Variants in ELP5 observed in about 807,000 individuals in gnomAD.
ELP5 encodes elongator acetyltransferase complex subunit 5.
Under a neutral mutation model 33.4 loss-of-function variants are expected in ELP5, and 34 were observed. That is an observed-to-expected ratio of 1.02 (90% CI 0.78 to 1.36). The LOEUF (loss-of-function observed/expected upper bound fraction) is 1.36, where lower values mean the gene tolerates loss of function less well. ELP5 is among the 40% of genes most tolerant of loss of function. ELP5 has a pLI of 0.00. For synonymous variants in ELP5, 161 were observed against 146.4 expected (o/e 1.10, Z -0.72); for missense variants, 373 against 371.7 (o/e 1.00, Z -0.03).
upstream of ELP5, chr17:7,251,930 A>T: frequency 6.3e-6 from 1 of 159,404 alleles, no homozygotes; most frequent in Non-Finnish European, 1.4e-5. Context: ...CAGCCTCTGC[A>T]GCTGGGTTTC....
chr17:7,259,870 C>T lies in ELP5; in HGVS notation c.*185C>T. The T allele has an allele frequency of 9.7e-7, 1 of 1,034,316 alleles. No individual in the cohort carries two copies. Among genetic ancestry groups the T allele is most frequent in the African/African-American group, 1.6e-5 (1 of 62,084 alleles). The allele number at this position is 1,034,316 out of a possible 1,614,324, so 64.1% of individuals were successfully genotyped here. A position where few individuals can be genotyped will look rare whatever the true frequency, so the allele number is the denominator to read the frequency against. Reference sequence around the variant, plus strand: ...ATCAGGACAGAAGGTAGGATGAAGACATGGGGTAATGTGAGAGAGTAGAAC... The same window carrying T: ...ATCAGGACAGAAGGTAGGATGAAGATATGGGGTAATGTGAGAGAGTAGAAC... On this transcript the variant is annotated 3_prime_UTR_variant, in exon 8 of 8. Transcript: ENST00000396628.
chr17:7,258,927 G>T lies in ELP5; in HGVS notation c.788+1G>T. 1 of 1,614,174 alleles carries T rather than the reference G, an allele frequency of 6.2e-7. No individual in the cohort carries two copies. Among genetic ancestry groups the T allele is most frequent in the South Asian group, 1.1e-5 (1 of 91,080 alleles). On this transcript the variant is annotated splice_donor_variant, in intron 7 of 7. Transcript: ENST00000396628. LOFTEE classifies it high-confidence loss of function. ...TGCCCTTCCAGTTCAGTTCTGAAAA[G>T]TAAGGTTGGGACCTGGGTACGTGGA... is the stretch of plus-strand genomic sequence containing the variant.
Position 7,258,893 on chromosome 17 carries a change from G to A in ELP5, c.755G>A (p.Ser252Asn). Residue 252 changes from serine (S) to asparagine (N), a missense_variant, in exon 7 of 8, where the codon AGC becomes AAC. Physicochemically the swap from Ser to Asn is conservative, Grantham distance 46 (BLOSUM62 1). Transcript: ENST00000396628. The part of the protein sequence containing the change: ...LSKKEREARD[S>N]LILPFQFSSE... ...AAGAAAGAGAGAGAAGCCAGAGATA[G>A]CCTGATCCTGCCCTTCCAGTTCAGT... 1 of 1,614,176 alleles carries A rather than the reference G, an allele frequency of 6.2e-7. No individual in the cohort carries two copies. The highest frequency in any genetic ancestry group is 8.5e-7 in the Non-Finnish European group (1 of 1,180,034).
Position 7,259,723 on chromosome 17 carries a change from C to A in ELP5, c.*38C>A, listed in dbSNP as rs745445881. The stretch of plus-strand genomic sequence containing the variant: ...GATTAGATTGTAATTGGAGGGGGCG[C>A]GGGAAGACTTTGGGCCCAGAACCAT... On this transcript the variant is annotated 3_prime_UTR_variant, in exon 8 of 8. Transcript: ENST00000396628. 6 of 1,613,126 alleles carry A rather than the reference C, an allele frequency of 3.7e-6. No individual in the cohort carries two copies. Among genetic ancestry groups the A allele is most frequent in the Admixed American group, 3.3e-5 (2 of 59,910 alleles).
rs2072031965 is a variant in ELP5 at position 7,254,655 on chromosome 17, G to A, written c.261G>A (p.Pro87=). 4.3e-6 allele frequency: 7 copies of A among 1,613,966 alleles called. No homozygotes were observed. The highest frequency in any genetic ancestry group is 4.5e-5 in the East Asian group (2 of 44,898). Residue 87 remains proline, a synonymous_variant, in exon 4 of 8, where the codon CCG becomes CCA. Transcript: ENST00000396628. ...CTGAGGAGGCCTTTCCTGGGGGGCC[G>A]CTGGGAGCCTTGAGAGCCATGTGCA... The part of the protein sequence containing the change: ...SKTEEAFPGG[P]LGALRAMCKR...
At chr17:7,256,270 G>A (rs1204557051) in intron 4 of ELP5, among the ~76,000 whole-genome samples, 8 of 152,164 alleles carry the variant, frequency 5.3e-5, no homozygotes, top group African/African-American at 1.9e-4. Flanking sequence ...TGTTGAGCCC[G>A]TAGCAGGGGT....
At chr17:7,256,538 A>G (rs1271868770) in intron 4 of ELP5, among the ~76,000 whole-genome samples, 1 of 152,218 alleles carries the variant, frequency 6.6e-6, no homozygotes, top group Non-Finnish European at 1.5e-5. Context: ...CAGAAACTAC[A>G]AGTACTTCCG....
In ELP5 at chr17:7,258,900, C is replaced by T. The variant is rs758677481; in HGVS notation, c.762C>T (p.Ile254=). 3.1e-6 allele frequency: 5 copies of T among 1,614,014 alleles called. No homozygotes were observed. The East Asian group carries it at 1.1e-4, about 36-fold the overall frequency. Residue 254 remains isoleucine, a synonymous_variant, in exon 7 of 8, where the codon ATC becomes ATT. Transcript: ENST00000396628. Reference sequence around the variant, plus strand: ...AGAGAGAAGCCAGAGATAGCCTGATCCTGCCCTTCCAGTTCAGTTCTGAAA... The same window carrying T: ...AGAGAGAAGCCAGAGATAGCCTGATTCTGCCCTTCCAGTTCAGTTCTGAAA... The part of the protein sequence containing the change: ...KKEREARDSL[I]LPFQFSSEKQ...
chr17:7,259,754 T>C lies in ELP5; in HGVS notation c.*69T>C. On this transcript the variant is annotated 3_prime_UTR_variant, in exon 8 of 8. Coordinates refer to ENST00000396628, the MANE Select transcript of ELP5 (RefSeq NM_203414.3). The stretch of plus-strand genomic sequence containing the variant: ...GACTTTGGGCCCAGAACCATCTTTC[T>C]ATTGTTTGTGTTAGCCTTACCCTGT... 1 of 1,597,010 alleles carries C rather than the reference T, an allele frequency of 6.3e-7. No homozygotes were observed. Among genetic ancestry groups the C allele is most frequent in the Non-Finnish European group, 8.5e-7 (1 of 1,172,150 alleles).
In ELP5 at chr17:7,252,554, T is replaced by G. The variant is rs1224019296; in HGVS notation, c.4T>G (p.Leu2Val). Residue 2 changes from leucine to valine, a missense_variant, in exon 1 of 8, where the codon TTG becomes GTG. Coordinates refer to ENST00000396628, the MANE Select transcript of ELP5 (RefSeq NM_203414.3). ...AGGGACCGGACGCGAGTTGGAGATG[T>G]TGGACTCGCTGTTGGCCTTGGGCGG... MLDSLLALGGLV... is the reference protein window; with the variant it reads MVDSLLALGGLV... 4 of 1,613,538 alleles carry G rather than the reference T, an allele frequency of 2.5e-6. No homozygotes were observed. In the South Asian group the frequency reaches 3.3e-5, roughly 13 times the overall value.
chr17:7,259,057 A>C, intron 7 of ELP5, 131 bp downstream of exon 7: 9 of 1,488,610 alleles, frequency 6.0e-6, no homozygotes, highest in Non-Finnish European at 8.0e-6. Flanking sequence ...AGACAAGTCC[A>C]AGTTCTTGAT....
At chr17:7,253,029 A>C (rs1193740280) in intron 3 of ELP5, 31 bp downstream of exon 3, 4 of 1,604,930 alleles carry the variant, frequency 2.5e-6, no homozygotes, top group South Asian at 2.2e-5. Flanking sequence ...ATTTGATTAA[A>C]TTTGAGACCT....
intron 7 of ELP5, 40 bp from the exon 8 acceptor site, chr17:7,259,531 T>C (rs1192688909): frequency 1.2e-6 from 2 of 1,612,570 alleles, no homozygotes; most frequent in South Asian, 2.2e-5. Flanking sequence ...AGACCCAACC[T>C]GTTAGCTACC....
In ELP5 at chr17:7,252,997, C is replaced by T. The variant is rs763642573; in HGVS notation, c.187C>T (p.Arg63Trp). 2.5e-6 allele frequency: 4 copies of T among 1,613,950 alleles called. No individual in the cohort carries two copies. The highest frequency in any genetic ancestry group is 2.2e-5 in the East Asian group (1 of 44,888). Residue 63 changes from arginine (R) to tryptophan (W), a missense_variant and splice_region_variant, in exon 3 of 8, where the codon CGG becomes TGG. Arg to Trp is a moderately radical substitution (Grantham distance 101, BLOSUM62 -3). Transcript: ENST00000396628. ...AGGTTTTGACTCTGATATCAACAAT[C>T]GGTAAGTACCAGTTGGAAGAGATTT... ...REGFDSDINN[R>W]LVYHDFFRDP...
chr17:7,252,523 C>A lies in ELP5; in HGVS notation c.-28C>A. The A allele has an allele frequency of 1.2e-6, 2 of 1,613,814 alleles. No individual in the cohort carries two copies. The highest frequency in any genetic ancestry group is 2.2e-5 in the South Asian group (2 of 90,998). ...GGGTCATGACGCCATCAGAGGGCGCCAGAGCAGGGACCGGACGCGAGTTGG... is the reference window on the plus strand; with the variant it reads ...GGGTCATGACGCCATCAGAGGGCGCAAGAGCAGGGACCGGACGCGAGTTGG... On this transcript the variant is annotated 5_prime_UTR_variant, in exon 1 of 8. Transcript: ENST00000396628.
chr17:7,258,880 G>C lies in ELP5; in HGVS notation c.742G>C (p.Glu248Gln), dbSNP rs142651245. The C allele has an allele frequency of 1.9e-6, 3 of 1,614,164 alleles. No homozygotes were observed. The highest frequency in any genetic ancestry group is 2.7e-5 in the African/African-American group (2 of 75,036). Residue 248 changes from glutamate (E) to glutamine (Q), a missense_variant, in exon 7 of 8, where the codon GAA becomes CAA. Transcript: ENST00000396628. ...CCTTCACCTGTCCAAGAAAGAGAGA[G>C]AAGCCAGAGATAGCCTGATCCTGCC... ...FNLHLSKKER[E>Q]ARDSLILPFQ...
intron 4 of ELP5, 180 bp downstream of exon 4, chr17:7,254,983 C>CTT: frequency 1.8e-6 from 1 of 571,362 alleles, no homozygotes; most frequent in Non-Finnish European, 3.1e-6. Flanking sequence ...CTACCATTTG[C>CTT]TTTTTTTTCT....
chr17:7,253,438 G>A (rs960126252), intron 3 of ELP5, among the ~76,000 whole-genome samples: 2 of 152,178 alleles, frequency 1.3e-5, no homozygotes, highest in African/African-American at 4.8e-5. Context: ...GAGATGGAAA[G>A]TTTAGAACAC....
rs138383365 is a variant in ELP5, at chr17:7,253,010, T to A, written c.188+12T>A. 2 of 1,613,566 alleles carry A rather than the reference T, an allele frequency of 1.2e-6. No homozygotes were observed. Among genetic ancestry groups the A allele is most frequent in the South Asian group, 2.2e-5 (2 of 91,054 alleles). ...GATATCAACAATCGGTAAGTACCAG[T>A]TGGAAGAGATTTGATTAAATTTGAG... On this transcript the variant is annotated intron_variant, in intron 3 of 7. Coordinates refer to ENST00000396628, the MANE Select transcript of ELP5 (RefSeq NM_203414.3).
Sources: allele counts gnomAD v4.1 joint callset (sites outside exome capture counted in the v4.1 genomes callset), GRCh38; gene constraint gnomAD v4.1.1; transcripts MANE v1.5; gene names NCBI Gene and HGNC (gene_info 2026-07-23, HGNC 2026-07-21).